TOX: variants seen among roughly 807,000 people sequenced by gnomAD.
TOX encodes the protein thymocyte selection associated high mobility group box, also known as thymocyte selection-associated high mobility group box protein TOX.
TOX carries 11 observed loss-of-function variants against 53.7 expected under a neutral mutation model. The ratio of observed to expected loss-of-function variants is 0.20; its 90% CI spans 0.13 to 0.34. The LOEUF is 0.34. TOX is among the 10% of genes least tolerant of loss of function. The pLI is 1.00. For synonymous variants in TOX, 225 were observed against 245.3 expected, an observed-to-expected ratio of 0.92 and a Z score of 0.77; for missense variants, 570 against 664.6, an observed-to-expected ratio of 0.86 and a Z score of 1.56.
At chr8:58,839,669 C>A (rs1016046627) in intron 4 of TOX, among the ~76,000 whole-genome samples, 4 of 152,220 alleles carry the variant, frequency 2.6e-5, no homozygotes, top group African/African-American at 7.2e-5. Flanking sequence ...TCAATTTCCA[C>A]ATGCCTTGCC....
intron 1 of TOX, among the ~76,000 whole-genome samples, chr8:59,014,575 T>C (rs1813974450): frequency 6.6e-6 from 1 of 152,182 alleles, no homozygotes; most frequent in African/African-American, 2.4e-5. Context: ...TCAAAACTTG[T>C]GAAGAGTGGA....
intron 1 of TOX, among the ~76,000 whole-genome samples, chr8:59,087,703 G>C (rs1804537173): frequency 6.6e-6 from 1 of 152,112 alleles, no homozygotes; most frequent in Admixed American, 6.6e-5. Context: ...CGAGATGTTG[G>C]AGAAAATCAC....
intron 1 of TOX, among the ~76,000 whole-genome samples, chr8:59,032,024 G>A (rs1814366240): frequency 1.3e-5 from 2 of 152,316 alleles, no homozygotes; most frequent in South Asian, 4.1e-4. Context: ...GTGAAAAAGG[G>A]ATGGTAGGGG....
At chr8:58,823,961 T>C (rs1231584828) in intron 6 of TOX, among the ~76,000 whole-genome samples, 4 of 152,188 alleles carry the variant, frequency 2.6e-5, no homozygotes, top group African/African-American at 9.7e-5. Flanking sequence ...TAAGTCAAAG[T>C]AGCTAGGAAG....
chr8:58,963,765 G>T (rs1812841749), intron 1 of TOX, among the ~76,000 whole-genome samples: 2 of 152,176 alleles, frequency 1.3e-5, no homozygotes, highest in African/African-American at 4.8e-5. Flanking sequence ...TTCAGGGCAG[G>T]TTTTGTTGGG....
chr8:59,062,897 G>A (rs896361301), intron 1 of TOX, among the ~76,000 whole-genome samples: 3 of 152,082 alleles, frequency 2.0e-5, no homozygotes, highest in Non-Finnish European at 4.4e-5. Flanking sequence ...CATTTTTCCT[G>A]ATAATATGGA....
chr8:58,864,554 T>C (rs1811064448), intron 3 of TOX, among the ~76,000 whole-genome samples: 1 of 152,226 alleles, frequency 6.6e-6, no homozygotes, highest in African/African-American at 2.4e-5. Flanking sequence ...ACAGTAGCCA[T>C]TTTTATCTAG....
chr8:58,973,381 A>G (rs1813034841), intron 1 of TOX, among the ~76,000 whole-genome samples: 1 of 152,254 alleles, frequency 6.6e-6, no homozygotes, highest in African/African-American at 2.4e-5. Context: ...GGTTATAAAC[A>G]GTACTTTTAA....
chr8:58,831,233 C>T (rs145771329), intron 5 of TOX, among the ~76,000 whole-genome samples: 128 of 152,192 alleles, frequency 8.4e-4, no homozygotes, highest in Non-Finnish European at 1.2e-3. Context: ...GAAAAAATGG[C>T]TACAAAATAC....
At chr8:59,034,007 G>C (rs1407081461) in intron 1 of TOX, among the ~76,000 whole-genome samples, 1 of 152,206 alleles carries the variant, frequency 6.6e-6, no homozygotes, top group Non-Finnish European at 1.5e-5. Context: ...AAATCTGCAA[G>C]TGGCCAAGAT....
intron 1 of TOX, among the ~76,000 whole-genome samples, chr8:59,044,174 A>G (rs937208370): frequency 6.6e-6 from 1 of 150,998 alleles, no homozygotes; most frequent in Non-Finnish European, 1.5e-5. Context: ...CTATGGTGGT[A>G]TCCTTAAAGG....
intron 1 of TOX, among the ~76,000 whole-genome samples, chr8:59,005,010 A>T (rs1323522106): frequency 6.7e-6 from 1 of 150,132 alleles, no homozygotes; most frequent in East Asian, 2.0e-4. Flanking sequence ...TCAGAAATTT[A>T]TTTTATGTAA....
chr8:58,858,866 G>A (rs569499122), intron 3 of TOX, among the ~76,000 whole-genome samples: 3 of 152,208 alleles, frequency 2.0e-5, no homozygotes, highest in Admixed American at 1.3e-4. Flanking sequence ...AAGGCAAAGC[G>A]GTTTCATTTT....
chr8:58,893,180 T>C (rs952046934), intron 3 of TOX, among the ~76,000 whole-genome samples: 3 of 149,598 alleles, frequency 2.0e-5, no homozygotes, highest in Admixed American at 6.7e-5. Flanking sequence ...TGATTTGCCG[T>C]TCAAATTGCT....
chr8:58,837,302 T>C (rs1810563224), intron 5 of TOX, among the ~76,000 whole-genome samples: 1 of 152,204 alleles, frequency 6.6e-6, no homozygotes, highest in Non-Finnish European at 1.5e-5. Flanking sequence ...TGCTTTTAAA[T>C]TTTTCTTTGT....
At chr8:58,904,176 G>C (rs559569391) in intron 3 of TOX, among the ~76,000 whole-genome samples, 1 of 152,282 alleles carries the variant, frequency 6.6e-6, no homozygotes, top group African/African-American at 2.4e-5. Flanking sequence ...TGGTCCCACA[G>C]AATGCTTCAG....
Position 59,119,063 on chromosome 8 carries a change from G to C in TOX, c.-76C>G, listed in dbSNP as rs949572108. The C allele has an allele frequency of 6.2e-6, 6 of 973,508 alleles. No individual in the cohort carries two copies. The highest frequency in any genetic ancestry group is 2.1e-4 in the Middle Eastern group (1 of 4,846). 60.3% of individuals were successfully genotyped at this position (973,508 alleles called of 1,614,324 possible). On this transcript the variant is annotated 5_prime_UTR_variant, in exon 1 of 9. Coordinates refer to ENST00000361421, the MANE Select transcript of TOX (RefSeq NM_014729.3). ...GTGTTCAGCAAAACAAGCTTAGACG[G>C]AACAGAGTGAGGTGTCTGGGCTCAG...
intron 1 of TOX, among the ~76,000 whole-genome samples, chr8:58,960,685 G>C (rs1218621783): frequency 3.9e-5 from 6 of 152,170 alleles, no homozygotes; most frequent in African/African-American, 1.4e-4. Flanking sequence ...AAATTTTCAA[G>C]TTAGGAAAAG....
At chr8:58,835,524 C>T (rs1055086472) in intron 5 of TOX, among the ~76,000 whole-genome samples, 1 of 152,090 alleles carries the variant, frequency 6.6e-6, no homozygotes, top group African/African-American at 2.4e-5. Context: ...TCTCCTCTTG[C>T]TATATTAAAA....
Sources: gnomAD v4.1 joint callset for allele counts (sites outside exome capture counted in the v4.1 genomes callset) on GRCh38, gnomAD v4.1.1 for gene constraint, MANE v1.5 for transcripts, NCBI Gene and HGNC (gene_info 2026-07-23, HGNC 2026-07-21) for gene names.